The following SMIM7 variants were observed in gnomAD, a reference collection of about 807,000 sequenced individuals.
SMIM7 encodes the protein UPF0608 protein C19orf42.
SMIM7 carries 12 observed loss-of-function variants against 13.3 expected under a neutral mutation model. That is an observed-to-expected ratio of 0.90 (90% CI 0.58 to 1.46). The LOEUF (loss-of-function observed/expected upper bound fraction) is 1.46. SMIM7 is among the 40% of genes most tolerant of loss of function. SMIM7 has a pLI of 0.00. For missense variants in SMIM7, 114 were observed against 94.8 expected (o/e 1.20, Z -0.84); for synonymous variants, 36 against 35.8 (o/e 1.01, Z -0.02).
At chr19:16,649,937 G>C (rs890325225) in intron 4 of SMIM7, among the ~76,000 whole-genome samples, 1 of 152,166 alleles carries the variant, frequency 6.6e-6, no homozygotes, top group African/African-American at 2.4e-5. Flanking sequence ...ACAGAGACAG[G>C]AAGCCGACGA....
At chr19:16,658,880 G>A (rs2086630177) in intron 3 of SMIM7, among the ~76,000 whole-genome samples, 1 of 152,030 alleles carries the variant, frequency 6.6e-6, no homozygotes, top group African/African-American at 2.4e-5. Flanking sequence ...CATTATAACG[G>A]TAGGAAGTGA....
chr19:16,650,235 T>G (rs1427534177), intron 4 of SMIM7, among the ~76,000 whole-genome samples: 1 of 152,234 alleles, frequency 6.6e-6, no homozygotes, highest in African/African-American at 2.4e-5. Flanking sequence ...ATTCTGCAAT[T>G]AACACTTTGC....
At chr19:16,635,899 A>AAAAAAAAAAAAAATATAT (rs1200181092) in intron 4 of SMIM7, among the ~76,000 whole-genome samples, 10 of 109,578 alleles carry the variant, frequency 9.1e-5, no homozygotes, top group African/African-American at 3.9e-4. Flanking sequence ...AAAAAAAAAA[A>AAAAAAAAAAAAAATATAT]ATATATATAT....
downstream of SMIM7, among the ~76,000 whole-genome samples, chr19:16,643,091 C>T (rs981296446): frequency 3.3e-5 from 5 of 151,820 alleles, no homozygotes; most frequent in East Asian, 3.9e-4. Context: ...CGTGAACCAC[C>T]GCACCTGGCC....
At chr19:16,636,005 C>T (rs1356064507) in intron 4 of SMIM7, among the ~76,000 whole-genome samples, 4 of 151,140 alleles carry the variant, frequency 2.6e-5, no homozygotes, top group Non-Finnish European at 4.4e-5. Flanking sequence ...TCCCCAGAAC[C>T]TGTAAATATG....
intron 4 of SMIM7, among the ~76,000 whole-genome samples, chr19:16,649,007 TGA>T (rs768307129): frequency 6.6e-6 from 1 of 151,868 alleles, no homozygotes; most frequent in Non-Finnish European, 1.5e-5. Context: ...CGCAACAGAG[TGA>T]GACTCTGTTT....
chr19:16,653,097 A>G (rs1005247744), intron 4 of SMIM7: 61 of 1,061,038 alleles, frequency 5.7e-5, no homozygotes, highest in Middle Eastern at 5.3e-4. Flanking sequence ...GCAGATGCAG[A>G]AGAACTGGTG....
At chr19:16,650,507 C>T (rs1380265149) in intron 4 of SMIM7, among the ~76,000 whole-genome samples, 4 of 152,084 alleles carry the variant, frequency 2.6e-5, no homozygotes, top group South Asian at 2.1e-4. Context: ...GTCAGGAGTT[C>T]GAGACCAGCC....
intron 4 of SMIM7, chr19:16,652,625 G>C (rs1193353211): frequency 7.6e-7 from 1 of 1,310,284 alleles, no homozygotes; most frequent in African/African-American, 1.5e-5. Flanking sequence ...GTCTTCCTGG[G>C]AATACATCAC....
chr19:16,637,127 C>T (rs1032831105), intron 4 of SMIM7, among the ~76,000 whole-genome samples: 5 of 152,204 alleles, frequency 3.3e-5, no homozygotes, highest in African/African-American at 1.2e-4. Flanking sequence ...CCACACGTGG[C>T]TCCTGGCTAC....
chr19:16,636,797 T>A lies in SMIM7; in HGVS notation c.*138-5073A>T, dbSNP rs2086364200. Reference sequence around the variant, plus strand: ...TGAGACCCCATCTCTACAAAAAAAATAAAAAAATAGCTGGGTGTGGTAGCA... The same window carrying A: ...TGAGACCCCATCTCTACAAAAAAAAAAAAAAAATAGCTGGGTGTGGTAGCA... On this transcript the variant is annotated intron_variant and NMD_transcript_variant, in intron 4 of 4. Transcript: ENST00000465250. Among the ~76,000 whole-genome samples the A allele has an allele frequency of 2.0e-5, 3 of 150,254 alleles. 1 individual carries two copies. In the South Asian group the frequency reaches 6.3e-4, roughly 32 times the overall value.
At chr19:16,635,725 G>A (rs1248273044) in intron 4 of SMIM7, among the ~76,000 whole-genome samples, 1 of 150,784 alleles carries the variant, frequency 6.6e-6, no homozygotes, top group South Asian at 2.1e-4. Context: ...CTAAGAGAAC[G>A]ACAAAAAATT....
rs113875977 is a variant in SMIM7, at chr19:16,631,890, CGA to C, written c.*138-168_*138-167del. Reference sequence around the variant, plus strand: ...GGTGGAATTTTTTTTTTTTTTTTTTCGAGAGAGTCTCACTCTGTTGCCAGTCT... The same window carrying C: ...GGTGGAATTTTTTTTTTTTTTTTTTCGAGAGTCTCACTCTGTTGCCAGTCT... On this transcript the variant is annotated intron_variant and NMD_transcript_variant, in intron 4 of 4. Coordinates refer to the SMIM7 transcript ENST00000465250. 1.4e-3 allele frequency among the ~76,000 whole-genome samples: 189 copies of C among 134,942 alleles called. 3 individuals are homozygous for C. In the South Asian group the frequency reaches 0.031, roughly 22 times the overall value. The allele number at this position is 134,942 out of a possible 152,430, so 88.5% of individuals were successfully genotyped here. A position where few individuals can be genotyped will look rare whatever the true frequency, so the allele number is the denominator to read the frequency against.
intron 4 of SMIM7, chr19:16,652,866 A>C: frequency 1.9e-6 from 3 of 1,550,538 alleles, no homozygotes; most frequent in Non-Finnish European, 2.6e-6. Context: ...CTTTTCCTAA[A>C]TCCATTTACA....
At chr19:16,652,481 C>T in intron 4 of SMIM7, 4 of 980,488 alleles carry the variant, frequency 4.1e-6, no homozygotes, top group Non-Finnish European at 4.9e-6. Context: ...GGATTACAGG[C>T]CTGAGCCACT....
At chr19:16,638,423 A>C (rs1212521497) in intron 4 of SMIM7, among the ~76,000 whole-genome samples, 11 of 143,244 alleles carry the variant, frequency 7.7e-5, no homozygotes, top group African/African-American at 2.9e-4. Flanking sequence ...CCTGCCTCAG[A>C]CTCCTGAGTA....
At chr19:16,642,358 G>A (rs190939017), downstream of SMIM7, among the ~76,000 whole-genome samples, 458 of 152,168 alleles carry the variant, frequency 3.0e-3, 1 homozygote, top group Non-Finnish European at 4.5e-3. Flanking sequence ...AGAAGTTTGA[G>A]ACCAGCCTGG....
chr19:16,635,899 A>AAAAAATAT (rs1200181092), intron 4 of SMIM7, among the ~76,000 whole-genome samples: 50 of 109,572 alleles, frequency 4.6e-4, no homozygotes, highest in African/African-American at 2.0e-3. Flanking sequence ...AAAAAAAAAA[A>AAAAAATAT]ATATATATAT....
intron 3 of SMIM7, among the ~76,000 whole-genome samples, chr19:16,656,930 G>C (rs1229693786): frequency 6.6e-6 from 1 of 151,880 alleles, no homozygotes; most frequent in Non-Finnish European, 1.5e-5. Context: ...ACAAAAAACA[G>C]GCTTTCTGAG....
Sources: gnomAD v4.1 joint callset for allele counts (sites outside exome capture counted in the v4.1 genomes callset) on GRCh38, gnomAD v4.1.1 for gene constraint, MANE v1.5 for transcripts, NCBI Gene and HGNC (gene_info 2026-07-23, HGNC 2026-07-21) for gene names.